Variants in ATP1B3 observed in about 807,000 individuals in gnomAD.
ATP1B3 encodes the protein ATPase Na+/K+ transporting subunit beta 3, also known as sodium/potassium-transporting ATPase subunit beta-3.
ATP1B3 carries 10 observed loss-of-function variants against 30.2 expected under a neutral mutation model. The observed-to-expected ratio is 0.33, with a 90% CI of 0.20 to 0.56. ATP1B3 has a LOEUF of 0.56. ATP1B3 is among the 20% of genes least tolerant of loss of function. The pLI, the probability that ATP1B3 is intolerant of heterozygous loss-of-function variation, is 0.90. For synonymous variants in ATP1B3, 113 were observed against 117.0 expected (o/e 0.97, Z 0.22); for missense variants, 238 against 336.7 (o/e 0.71, Z 2.29).
intron 1 of ATP1B3, among the ~76,000 whole-genome samples, chr3:141,892,250 A>G (rs1174978797): frequency 6.6e-6 from 1 of 152,164 alleles, no homozygotes; most frequent in Non-Finnish European, 1.5e-5. Flanking sequence ...AATACACAGT[A>G]TCTTCACCCT....
At chr3:141,911,384 T>C (rs1480312396) in intron 3 of ATP1B3, among the ~76,000 whole-genome samples, 3 of 152,138 alleles carry the variant, frequency 2.0e-5, no homozygotes, top group African/African-American at 7.2e-5. Flanking sequence ...TAAAAAATAA[T>C]GTCTTCTCTA....
chr3:141,921,774 C>G (rs1056768684), intron 5 of ATP1B3: 5 of 401,600 alleles, frequency 1.2e-5, no homozygotes, highest in Non-Finnish European at 1.8e-5. Flanking sequence ...CAGGATAGTT[C>G]ATGTGGAAGG....
chr3:141,924,132 T>C (rs1576402906), intron 6 of ATP1B3, among the ~76,000 whole-genome samples: 1 of 151,024 alleles, frequency 6.6e-6, no homozygotes, highest in African/African-American at 2.4e-5. Flanking sequence ...TCACCTGAGG[T>C]GGAGAGTTCG....
At chr3:141,919,988 T>C (rs578064555) in intron 5 of ATP1B3, among the ~76,000 whole-genome samples, 163 of 152,284 alleles carry the variant, frequency 1.1e-3, no homozygotes, top group Non-Finnish European at 2.2e-3. Context: ...ATGACATACA[T>C]GCTTCACCCT....
At chr3:141,889,834 T>C (rs991372604) in intron 1 of ATP1B3, among the ~76,000 whole-genome samples, 22 of 148,264 alleles carry the variant, frequency 1.5e-4, no homozygotes, top group Non-Finnish European at 3.3e-4. Context: ...CATATACATA[T>C]ATATATATAT....
rs1296622772 is a variant in ATP1B3 at position 141,876,831 on chromosome 3, C to T, written c.30C>T (p.Asn10=). 4 of 1,588,370 alleles carry T rather than the reference C, an allele frequency of 2.5e-6. No homozygotes were observed. Among genetic ancestry groups the T allele is most frequent in the Non-Finnish European group, 3.4e-6 (4 of 1,166,918 alleles). Residue 10 remains asparagine (N), a synonymous_variant, in exon 1 of 7, where the codon AAC becomes AAT. Coordinates refer to ENST00000286371, the MANE Select transcript of ATP1B3 (RefSeq NM_001679.4). The part of the protein sequence containing the change: MTKNEKKSL[N]QSLAEWKLFI... ...CGAAGAACGAGAAGAAGTCCCTCAA[C>T]CAGAGCCTGGCCGAGTGGAAGCTCT...
intron 1 of ATP1B3, among the ~76,000 whole-genome samples, chr3:141,889,752 T>C (rs9879270): frequency 6.6e-5 from 3 of 45,614 alleles, no homozygotes; most frequent in Admixed American, 5.0e-4. Context: ...AAAAAAAAAA[T>C]ATATACACAC....
At chr3:141,915,317 C>T (rs992935111) in intron 4 of ATP1B3, among the ~76,000 whole-genome samples, 2 of 152,192 alleles carry the variant, frequency 1.3e-5, no homozygotes, top group Non-Finnish European at 2.9e-5. Context: ...AGTTAGGACG[C>T]AACAATACTT....
chr3:141,891,304 A>G (rs1933948459), intron 1 of ATP1B3, among the ~76,000 whole-genome samples: 1 of 152,214 alleles, frequency 6.6e-6, no homozygotes, highest in African/African-American at 2.4e-5. Flanking sequence ...TTTAGTATCC[A>G]AATAGTGCAA....
At position 141,876,679 on chromosome 3, in the gene ATP1B3, C is replaced by T. The variant is rs1577952321; in HGVS notation, c.-123C>T. On this transcript the variant is annotated 5_prime_UTR_variant, in exon 1 of 7. Transcript: ENST00000286371. ...GTACTCCCCGTAACGAGGAGGTGTT[C>T]TCGGCCGTCCCACCCTTCACTGCCG... 1 of 648,300 alleles carries T rather than the reference C, an allele frequency of 1.5e-6. No individual in the cohort carries two copies. Among genetic ancestry groups the T allele is most frequent in the Non-Finnish European group, 2.6e-6 (1 of 388,456 alleles). 40.2% of individuals were successfully genotyped at this position (648,300 alleles called of 1,614,324 possible).
chr3:141,898,381 A>G (rs1353676887), intron 1 of ATP1B3, among the ~76,000 whole-genome samples: 1 of 152,248 alleles, frequency 6.6e-6, no homozygotes, highest in Non-Finnish European at 1.5e-5. Context: ...GTATCTATAT[A>G]TAAATAACTT....
intron 5 of ATP1B3, 114 bp from the exon 6 acceptor site, chr3:141,921,863 G>A (rs1480027164): frequency 3.6e-6 from 2 of 559,604 alleles, no homozygotes; most frequent in Admixed American, 7.7e-5. Flanking sequence ...TATAGTTGGA[G>A]CAGCATTGTA....
At chr3:141,885,790 A>G (rs1460604447) in intron 1 of ATP1B3, among the ~76,000 whole-genome samples, 1 of 151,986 alleles carries the variant, frequency 6.6e-6, no homozygotes, top group South Asian at 2.1e-4. Context: ...TAAAAACTTG[A>G]AGCACCAGAT....
At chr3:141,898,061 A>G (rs550233048) in intron 1 of ATP1B3, among the ~76,000 whole-genome samples, 4 of 152,338 alleles carry the variant, frequency 2.6e-5, no homozygotes, top group African/African-American at 7.2e-5. Flanking sequence ...TCCATGCAGA[A>G]CAATGTAGGT....
intron 1 of ATP1B3, among the ~76,000 whole-genome samples, chr3:141,891,744 G>A (rs1282521360): frequency 6.6e-6 from 1 of 151,356 alleles, no homozygotes. Flanking sequence ...TAGGGCTATG[G>A]GTTTTACTTT....
chr3:141,914,400 AG>A (rs1934419377), intron 4 of ATP1B3, among the ~76,000 whole-genome samples: 1 of 152,230 alleles, frequency 6.6e-6, no homozygotes, highest in Non-Finnish European at 1.5e-5. Context: ...GCTGTTTTAC[AG>A]AAGGGTGCCT....
intron 1 of ATP1B3, among the ~76,000 whole-genome samples, chr3:141,880,674 A>G (rs150240852): frequency 2.3e-3 from 354 of 152,310 alleles, no homozygotes; most frequent in African/African-American, 8.2e-3. Context: ...AGCTTTAAAA[A>G]AAGTGTTGTT....
intron 5 of ATP1B3, chr3:141,918,718 T>G (rs1422744407): frequency 1.3e-5 from 2 of 152,382 alleles, no homozygotes; most frequent in East Asian, 3.9e-4. Context: ...GTAACAGGCG[T>G]GAGCCACTGC....
chr3:141,904,948 C>T lies in ATP1B3; in HGVS notation c.238+1200C>T, dbSNP rs910663512. 5.3e-4 allele frequency among the ~76,000 whole-genome samples: 81 copies of T among 151,758 alleles called. 1 individual carries two copies. The highest frequency in any genetic ancestry group is 4.5e-3 in the Admixed American group (68 of 15,210). On this transcript the variant is annotated intron_variant, in intron 2 of 6. Transcript: ENST00000286371. ...CTGGTCTCGAACTCCTGACCTCAGG[C>T]GATCCACCCGCCTCGGCCTCCCAAA...
Sources: gnomAD v4.1 joint callset for allele counts (sites outside exome capture counted in the v4.1 genomes callset) on GRCh38, gnomAD v4.1.1 for gene constraint, MANE v1.5 for transcripts, NCBI Gene and HGNC (gene_info 2026-07-23, HGNC 2026-07-21) for gene names.